Variants in MTX1 observed in about 807,000 individuals in gnomAD.
The protein encoded by MTX1 is metaxin-1.
A neutral mutation model predicts 39.4 loss-of-function variants in MTX1; 20 were observed. The observed-to-expected ratio is 0.51, with a 90% confidence interval of 0.36 to 0.74. The LOEUF is 0.74. Ranked by LOEUF, MTX1 falls within the 30% of genes least tolerant of loss-of-function variation. MTX1 has a pLI of 0.00. For synonymous variants in MTX1, 209 were observed against 198.6 expected, an observed-to-expected ratio of 1.05 and a Z score of -0.44; for missense variants, 481 against 485.9, an observed-to-expected ratio of 0.99 and a Z score of 0.10.
In MTX1 at chr1:155,208,767, C is replaced by A; in HGVS notation, c.-38C>A. 1 of 1,448,080 alleles carries A rather than the reference C, an allele frequency of 6.9e-7. No individual in the cohort carries two copies. Among genetic ancestry groups the A allele is most frequent in the Non-Finnish European group, 9.1e-7 (1 of 1,096,368 alleles). The allele number at this position is 1,448,080 out of a possible 1,614,324, so 89.7% of individuals were successfully genotyped here. A position where few individuals can be genotyped will look rare whatever the true frequency, so the allele number is the denominator to read the frequency against. On this transcript the variant is annotated 5_prime_UTR_variant, in exon 1 of 8. Coordinates refer to ENST00000368376, the MANE Select transcript of MTX1 (RefSeq NM_002455.5). ...GTTTTGTTTCCATGGCGACAGGCGGCGCAGGGCCCGCTCCAAACATAACGC... is the reference window on the plus strand; with the variant it reads ...GTTTTGTTTCCATGGCGACAGGCGGAGCAGGGCCCGCTCCAAACATAACGC...
At chr1:155,211,820 C>T (rs927370670) in intron 3 of MTX1, 4 of 244,654 alleles carry the variant, frequency 1.6e-5, no homozygotes, top group African/African-American at 4.5e-5. Context: ...TTGCCGTCAG[C>T]GGGCGTTGTT....
At chr1:155,212,843 G>C in intron 6 of MTX1, 73 bp downstream of exon 6, 1 of 1,502,964 alleles carries the variant, frequency 6.7e-7, no homozygotes, top group Non-Finnish European at 8.9e-7. Context: ...GCTGGAGCTG[G>C]GGCTGGGGCT....
Position 155,213,291 on chromosome 1 carries a change from A to C in MTX1, c.1086A>C (p.Ala362=), listed in dbSNP as rs1671191790. Residue 362 remains alanine (A), a synonymous_variant, in exon 7 of 8, where the codon GCA becomes GCC. Transcript: ENST00000368376. ...GCTACTTGGCCCTGCTGCTGCAGGC[A>C]AAGCTGCCCAGTGGGAAGCTGCAGG... The part of the protein sequence containing the change: ...VFSYLALLLQ[A]KLPSGKLQVH... 7.8e-6 allele frequency: 4 copies of C among 509,790 alleles called. No homozygotes were observed. Among genetic ancestry groups the C allele is most frequent in the Non-Finnish European group, 1.0e-5 (3 of 296,640 alleles). The allele number at this position is 509,790 out of a possible 1,614,324, so 31.6% of individuals were successfully genotyped here.
intron 3 of MTX1, chr1:155,211,004 A>C (rs1202795368): frequency 3.3e-6 from 1 of 304,242 alleles, no homozygotes; most frequent in East Asian, 8.9e-5. Flanking sequence ...GGAGAAGATG[A>C]AAGAGCATTA....
chr1:155,212,398 G>C lies in MTX1; in HGVS notation c.785G>C (p.Trp262Ser), dbSNP rs1463360346. ...KLLPVLVHTF[W>S]IDTKNYVEVT... ...CACCCAATCCAGGTACATACTTTTT[G>C]GATAGACACCAAGAACTACGTGGAA... is the stretch of plus-strand genomic sequence containing the variant. Residue 262 changes from tryptophan (W) to serine (S), a missense_variant, in exon 5 of 8, where the codon TGG becomes TCG. By Grantham distance (177) the Trp-to-Ser change is radical (BLOSUM62 -3). Around this residue, in one of 2 missense-constraint regions of MTX1, gnomAD observed 113 missense variants for 153.2 expected, o/e 0.74. Coordinates refer to ENST00000368376, the MANE Select transcript of MTX1 (RefSeq NM_002455.5). 1.9e-6 allele frequency: 3 copies of C among 1,614,176 alleles called. No individual in the cohort carries two copies. The South Asian group carries it at 3.3e-5, about 18-fold the overall frequency.
At position 155,210,910 on chromosome 1, in the gene MTX1, G is replaced by A. The variant is rs541107583; in HGVS notation, c.678+283G>A. The A allele has an allele frequency of 1.5e-4, 69 of 466,344 alleles. 1 individual carries two copies. The South Asian group carries it at 1.5e-3, about 10-fold the overall frequency. 28.9% of individuals were successfully genotyped at this position (466,344 alleles called of 1,614,324 possible). On this transcript the variant is annotated intron_variant, in intron 3 of 7. Coordinates refer to ENST00000368376, the MANE Select transcript of MTX1 (RefSeq NM_002455.5). ...GCCTCTGATGGTGGGACTGGAGAGA[G>A]ATTTCTAAGGGCCACTTCCTGTTTT...
At chr1:155,212,640 TG>T (rs1671167597) in intron 5 of MTX1, 53 bp from the exon 6 acceptor site, 5 of 1,611,740 alleles carry the variant, frequency 3.1e-6, no homozygotes, top group Non-Finnish European at 4.2e-6. Context: ...AGTGCTTAGG[TG>T]GGGAGGTGGC....
Position 155,210,407 on chromosome 1 carries a change from GC to G in MTX1, c.593del (p.Pro198LeufsTer66). ...CACAAGATCAGCAACCCCTGGCAGA[GC>G]CCTTCAGGTACCCAGTATCCCTTGG... is the stretch of plus-strand genomic sequence containing the variant. ...KVHKISNPWQ[S>X]PSGTLPALRT... On this transcript the variant is annotated frameshift_variant, in exon 2 of 8. Transcript: ENST00000368376. LOFTEE classifies it high-confidence loss of function. The G allele has an allele frequency of 6.2e-7, 1 of 1,614,172 alleles. No homozygotes were observed.
intron 3 of MTX1, 164 bp downstream of exon 3, chr1:155,210,791 G>A (rs1209654891): frequency 1.3e-5 from 9 of 674,628 alleles, no homozygotes; most frequent in South Asian, 3.5e-5. Flanking sequence ...TCACTGTGAT[G>A]TATTAAAGCA....
chr1:155,208,820 C>G lies in MTX1; in HGVS notation c.16C>G (p.Pro6Ala). 2.6e-6 allele frequency: 4 copies of G among 1,553,670 alleles called. No individual in the cohort carries two copies. Among genetic ancestry groups the G allele is most frequent in the South Asian group, 1.2e-5 (1 of 85,938 alleles). MLLGG[P>A]PRSPRSGTSP... ...TGTGGAAAACATGCTGCTCGGGGGA[C>G]CCCCCCGCAGTCCCCGCTCGGGGAC... The change falls in exon 1 of 8, where the codon CCC (proline) becomes GCC (alanine). Residue 6 changes from proline (P) to alanine (A), a missense_variant. By Grantham distance (27) the Pro-to-Ala change is conservative. Around this residue, in one of 2 missense-constraint regions of MTX1, gnomAD observed 368 missense variants for 332.8 expected, o/e 1.11. Coordinates refer to ENST00000368376, the MANE Select transcript of MTX1 (RefSeq NM_002455.5).
rs1671150950 is a variant in MTX1, at chr1:155,212,184, A to G, written c.736A>G (p.Met246Val). Residue 246 changes from methionine to valine, a missense_variant, in exon 4 of 8, where the codon ATG (methionine) becomes GTG (valine). Physicochemically the swap from Met to Val is conservative, Grantham distance 21. Transcript: ENST00000368376. ...GCAAGGGGCAGACACCCTGGCCTTC[A>G]TGTCTCTCCTGGAGGAGAAGTTGCT... ...ARQGADTLAF[M>V]SLLEEKLLPV... 1.2e-6 allele frequency: 2 copies of G among 1,612,482 alleles called. No homozygotes were observed. The highest frequency in any genetic ancestry group is 2.7e-5 in the African/African-American group (2 of 74,892).
In MTX1 at chr1:155,208,735, C is replaced by T. The variant is rs1374856306; in HGVS notation, c.-70C>T. On this transcript the variant is annotated 5_prime_UTR_variant, in exon 1 of 8. Transcript: ENST00000368376. ...CGGCCTCCGCTCCGGCCGCCGCCAC[C>T]GCCCCTGTTTTGTTTCCATGGCGAC... 6 of 1,406,188 alleles carry T rather than the reference C, an allele frequency of 4.3e-6. No homozygotes were observed. The highest frequency in any genetic ancestry group is 3.2e-5 in the South Asian group (2 of 63,232). 87.1% of individuals were successfully genotyped at this position (1,406,188 alleles called of 1,614,324 possible). A position where few individuals can be genotyped will look rare whatever the true frequency, so the allele number is the denominator to read the frequency against.
At chr1:155,212,327 G>A in intron 4 of MTX1, 58 bp from the exon 5 acceptor site, 3 of 1,605,622 alleles carry the variant, frequency 1.9e-6, no homozygotes, top group Non-Finnish European at 2.6e-6. Context: ...AGCCCACCTT[G>A]AATCAGACAG....
intron 6 of MTX1, 151 bp from the exon 7 acceptor site, chr1:155,213,086 T>C (rs1330731527): frequency 1.0e-5 from 6 of 590,456 alleles, no homozygotes; most frequent in Non-Finnish European, 6.0e-6. Flanking sequence ...TCTCTCCCCA[T>C]ACCAGGTCTA....
At position 155,212,723 on chromosome 1, in the gene MTX1, C is replaced by T. The variant is rs777305785; in HGVS notation, c.984C>T (p.Thr328=). The change falls in exon 6 of 8, where the codon ACC becomes ACT. Residue 328 remains threonine, a synonymous_variant. Transcript: ENST00000368376. The part of the protein sequence containing the change: ...ELYREARECL[T]LLSQRLGSQK... ...ACCGAGAGGCTCGGGAGTGTCTGAC[C>T]CTGCTCTCTCAGCGCCTGGGCTCTC... The T allele has an allele frequency of 6.9e-6, 11 of 1,601,126 alleles. No individual in the cohort carries two copies. The highest frequency in any genetic ancestry group is 9.4e-6 in the Non-Finnish European group (11 of 1,173,994).
chr1:155,210,907 A>T (rs542465689), intron 3 of MTX1: 21 of 473,570 alleles, frequency 4.4e-5, no homozygotes, highest in Admixed American at 7.3e-5. Flanking sequence ...GGGACTGGAG[A>T]GAGATTTCTA....
In MTX1 at chr1:155,212,568, G is replaced by A; in HGVS notation, c.954+1G>A. The A allele has an allele frequency of 6.2e-7, 1 of 1,607,406 alleles. No homozygotes were observed. Among genetic ancestry groups the A allele is most frequent in the South Asian group, 1.1e-5 (1 of 90,740 alleles). ...GGACGAGGAAGAGCTGGAGAAGGAG[G>A]TAGCTCTGAGACCGGGGGCTATTGT... On this transcript the variant is annotated splice_donor_variant, in intron 5 of 7. Transcript: ENST00000368376. LOFTEE classifies it high-confidence loss of function.
Position 155,209,320 on chromosome 1 carries a change from C to A in MTX1, c.516C>A (p.Ser172Arg), listed in dbSNP as rs1571944374. 7.0e-7 allele frequency: 1 copy of A among 1,424,974 alleles called. No individual in the cohort carries two copies. Among genetic ancestry groups the A allele is most frequent in the South Asian group, 1.6e-5 (1 of 62,514 alleles). 88.3% of individuals were successfully genotyped at this position (1,424,974 alleles called of 1,614,324 possible). A position where few individuals can be genotyped will look rare whatever the true frequency, so the allele number is the denominator to read the frequency against. ...GGCTGCCGTCAGTGGACCTGGACAG[C>A]CTGGCCGTGCTGGTGAGGGGTGGCG... Reference protein sequence around the residue: ...GWGLPSVDLDSLAVLTYARFT... With the variant: ...GWGLPSVDLDRLAVLTYARFT... Residue 172 changes from serine to arginine, a missense_variant, in exon 1 of 8, where the codon AGC (serine) becomes AGA (arginine). Ser to Arg is a moderately radical substitution (Grantham distance 110). Around this residue, in one of 2 missense-constraint regions of MTX1, gnomAD observed 368 missense variants for 332.8 expected, o/e 1.11. Transcript: ENST00000368376.
chr1:155,211,073 C>T (rs1162758882), intron 3 of MTX1: 8 of 190,824 alleles, frequency 4.2e-5, no homozygotes, highest in South Asian at 1.7e-4. Context: ...TATGTGATCT[C>T]GGGCAGGCCA....
Sources: allele counts gnomAD v4.1 joint callset, GRCh38; gene constraint gnomAD v4.1.1; regional missense constraint gnomAD v4.1.1; transcripts MANE v1.5; gene names NCBI Gene and HGNC (gene_info 2026-07-23, HGNC 2026-07-21).